Variants in KIAA1217 observed in about 807,000 individuals in gnomAD.
KIAA1217 encodes the protein KIAA1217, also known as sickle tail protein homolog.
In KIAA1217, 88 loss-of-function variants were observed where a neutral mutation model predicts 163.9. That is an observed-to-expected ratio of 0.54 (90% CI 0.45 to 0.64). The LOEUF is 0.64. Ranked by LOEUF, KIAA1217 falls within the 30% of genes least tolerant of loss-of-function variation. The pLI is 0.00. For missense variants in KIAA1217, 2,372 were observed against 2,475.0 expected, an observed-to-expected ratio of 0.96 and a Z score of 0.88; for synonymous variants, 903 against 923.1, an observed-to-expected ratio of 0.98 and a Z score of 0.39.
chr10:24,351,535 G>T (rs2048461224), intron 2 of KIAA1217, among the ~76,000 whole-genome samples: 1 of 152,160 alleles, frequency 6.6e-6, no homozygotes, highest in South Asian at 2.1e-4. Context: ...CTTGTGGAAG[G>T]AGAGCTGGAG....
intron 2 of KIAA1217, among the ~76,000 whole-genome samples, chr10:24,365,545 C>T (rs1454362072): frequency 6.6e-6 from 1 of 152,114 alleles, no homozygotes; most frequent in Non-Finnish European, 1.5e-5. Flanking sequence ...AGCCTGTAAA[C>T]TTCAGAGCAG....
chr10:24,390,294 T>C (rs1172312622), intron 3 of KIAA1217, among the ~76,000 whole-genome samples: 1 of 152,164 alleles, frequency 6.6e-6, no homozygotes, highest in Non-Finnish European at 1.5e-5. Context: ...AGTGTGGTTT[T>C]CAAACTATGT....
rs181087418 is a variant in KIAA1217 at position 24,140,141 on chromosome 10, C to T, written c.-170-79485C>T. 8.7e-3 allele frequency among the ~76,000 whole-genome samples: 1,327 copies of T among 151,822 alleles called. 22 individuals carry two copies. The highest frequency in any genetic ancestry group is 0.03 in the African/African-American group (1,244 of 41,414). On this transcript the variant is annotated intron_variant, in intron 2 of 18. Coordinates refer to the KIAA1217 transcript ENST00000376462. ...TTGGGAGGCCGAGGCGGGTGGATCACGAGGTCAGGAGATGGATACCATCCT... is the reference window on the plus strand; with the variant it reads ...TTGGGAGGCCGAGGCGGGTGGATCATGAGGTCAGGAGATGGATACCATCCT...
At chr10:23,835,324 G>A (rs945312932) in intron 1 of KIAA1217, among the ~76,000 whole-genome samples, 2 of 152,080 alleles carry the variant, frequency 1.3e-5, no homozygotes, top group Admixed American at 6.6e-5. Flanking sequence ...AGGCTGAAAT[G>A]TAAAGTGAAA....
intron 1 of KIAA1217, among the ~76,000 whole-genome samples, chr10:23,860,759 T>A (rs72771457): frequency 0.02 from 3,075 of 152,274 alleles, 48 homozygotes; most frequent in Middle Eastern, 0.048. Context: ...TTAAATTTTT[T>A]AAAAATGTTC....
intron 3 of KIAA1217, among the ~76,000 whole-genome samples, chr10:24,423,086 T>A (rs974139077): frequency 6.6e-6 from 1 of 151,422 alleles, no homozygotes; most frequent in Admixed American, 6.6e-5. Context: ...GTTTTTGTAT[T>A]TTTAGTAGAG....
rs774686589 is a variant in KIAA1217 at position 24,457,360 on chromosome 10, G to GTGTGTGTGTGTGTT, written c.847-15865_847-15864insGTGTGTGTGTTTGT. The stretch of plus-strand genomic sequence containing the variant: ...TTTTTTGTTTTGTGTGTGTGTGTGT[G>GTGTGTGTGTGTGTT]TGTATGTGTGTGTGGGTGGCGGGGT... On this transcript the variant is annotated intron_variant, in intron 5 of 20. Transcript: ENST00000376454. Among the ~76,000 whole-genome samples the GTGTGTGTGTGTGTT allele has an allele frequency of 2.9e-3, 435 of 151,666 alleles. 4 individuals are homozygous for GTGTGTGTGTGTGTT. Among genetic ancestry groups the GTGTGTGTGTGTGTT allele is most frequent in the African/African-American group, 9.6e-3 (399 of 41,390 alleles).
At chr10:23,882,675 A>T (rs1841002187) in intron 1 of KIAA1217, among the ~76,000 whole-genome samples, 1 of 151,920 alleles carries the variant, frequency 6.6e-6, no homozygotes, top group African/African-American at 2.4e-5. Context: ...GTCACTCAAG[A>T]TAGCAAATGG....
intron 1 of KIAA1217, among the ~76,000 whole-genome samples, chr10:23,700,017 G>T (rs145403715): frequency 9.7e-4 from 148 of 152,306 alleles, no homozygotes; most frequent in African/African-American, 3.4e-3. Context: ...GCATCACTTA[G>T]ATAGAACTGG....
At chr10:23,913,500 G>A (rs1487678646) in intron 1 of KIAA1217, among the ~76,000 whole-genome samples, 2 of 151,980 alleles carry the variant, frequency 1.3e-5, no homozygotes, top group African/African-American at 4.8e-5. Context: ...ATGGGGGTCT[G>A]TGGATTTTTT....
intron 1 of KIAA1217, among the ~76,000 whole-genome samples, chr10:23,774,052 A>C (rs1331569849): frequency 2.0e-5 from 3 of 152,152 alleles, no homozygotes; most frequent in Non-Finnish European, 4.4e-5. Context: ...TTGAAAGGGA[A>C]TGCTTCCAGT....
In KIAA1217 at chr10:24,473,916, A is replaced by T. The variant is rs771038773; in HGVS notation, c.1535A>T (p.Lys512Ile). Residue 512 changes from lysine to isoleucine, a missense_variant, in exon 6 of 21, where the codon AAA becomes ATA. Physicochemically the swap from Lys to Ile is moderately radical, Grantham distance 102. Around this residue, in one of 3 missense-constraint regions of KIAA1217, gnomAD observed 1,431 missense variants for 1,470.3 expected, o/e 0.97. Coordinates refer to ENST00000376454, the MANE Select transcript of KIAA1217 (RefSeq NM_019590.5). The part of the protein sequence containing the change: ...DRASPSRQAF[K>I]KEPGTLVYIE... The stretch of plus-strand genomic sequence containing the variant: ...GCCTCTCCGAGCCGCCAGGCCTTTA[A>T]AAAGGAGCCAGGCACCTTGGTGTAT... The T allele has an allele frequency of 6.2e-7, 1 of 1,614,156 alleles. No individual in the cohort carries two copies. The highest frequency in any genetic ancestry group is 8.5e-7 in the Non-Finnish European group (1 of 1,180,036).
At chr10:24,504,842 T>C (rs1010413042) in intron 9 of KIAA1217, among the ~76,000 whole-genome samples, 1 of 152,110 alleles carries the variant, frequency 6.6e-6, no homozygotes, top group Non-Finnish European at 1.5e-5. Flanking sequence ...GCAGACACAA[T>C]GGGGTGGGTA....
chr10:24,542,595 T>G, intron 17 of KIAA1217, 98 bp from the exon 18 acceptor site: 1 of 1,575,880 alleles, frequency 6.3e-7, no homozygotes, highest in Admixed American at 1.7e-5. Context: ...GTGGCCCGCA[T>G]GTCTTAGAAA....
chr10:24,197,193 C>T (rs1016050634), intron 2 of KIAA1217, among the ~76,000 whole-genome samples: 1 of 152,128 alleles, frequency 6.6e-6, no homozygotes, highest in African/African-American at 2.4e-5. Context: ...CTTTATAACT[C>T]ATATATACAC....
chr10:24,537,624 A>G (rs962213542), intron 17 of KIAA1217, among the ~76,000 whole-genome samples: 8 of 152,248 alleles, frequency 5.3e-5, no homozygotes, highest in South Asian at 2.1e-4. Context: ...AAGAAAATGC[A>G]TGGTAGAAAG....
intron 2 of KIAA1217, among the ~76,000 whole-genome samples, chr10:24,304,535 T>A (rs1430434923): frequency 6.6e-6 from 1 of 151,444 alleles, no homozygotes; most frequent in East Asian, 1.9e-4. Flanking sequence ...AGGGACGGGG[T>A]CTCGTTATGT....
At chr10:24,084,996 C>T (rs1302708718) in intron 2 of KIAA1217, among the ~76,000 whole-genome samples, 2 of 149,250 alleles carry the variant, frequency 1.3e-5, no homozygotes, top group African/African-American at 5.0e-5. Flanking sequence ...TCACTGCAAG[C>T]TCTGCCTCCC....
intron 2 of KIAA1217, among the ~76,000 whole-genome samples, chr10:24,167,218 AT>A (rs2065394022): frequency 6.6e-6 from 1 of 151,804 alleles, no homozygotes; most frequent in African/African-American, 2.4e-5. Context: ...CATCTTTCTG[AT>A]AAAAAGCACT....
Sources: gnomAD v4.1 joint callset for allele counts (sites outside exome capture counted in the v4.1 genomes callset) on GRCh38, gnomAD v4.1.1 for gene constraint, gnomAD v4.1.1 regional missense constraint, MANE v1.5 for transcripts, NCBI Gene and HGNC (gene_info 2026-07-23, HGNC 2026-07-21) for gene names.